WWOX: variants seen among roughly 807,000 people sequenced by gnomAD.
The protein encoded by WWOX is WW domain containing oxidoreductase, also known as WW domain-containing oxidoreductase.
Under a neutral mutation model 46.2 loss-of-function variants are expected in WWOX, and 69 were observed. The observed-to-expected ratio is 1.49, with a 90% CI of 1.23 to 1.82. WWOX has a LOEUF of 1.82. Among genes scored for constraint, WWOX ranks in the 40% most tolerant of loss-of-function variants. WWOX has a pLI of 0.00. For missense variants in WWOX, 919 were observed against 542.6 expected (o/e 1.69, Z -6.89); for synonymous variants, 359 against 202.6 (o/e 1.77, Z -6.56).
chr16:79,103,914 C>G (rs1332270588), intron 8 of WWOX, among the ~76,000 whole-genome samples: 3 of 151,708 alleles, frequency 2.0e-5, no homozygotes, highest in African/African-American at 7.3e-5. Flanking sequence ...GCAAAGAGCT[C>G]CTTAATTGAA....
intron 8 of WWOX, among the ~76,000 whole-genome samples, chr16:78,687,561 C>G (rs551147778): frequency 1.3e-5 from 2 of 151,570 alleles, no homozygotes; most frequent in South Asian, 2.1e-4. Context: ...CAGACATATA[C>G]TTTATGAGGT....
chr16:78,663,254 G>T (rs1257107282), intron 8 of WWOX, among the ~76,000 whole-genome samples: 1 of 152,066 alleles, frequency 6.6e-6, no homozygotes, highest in African/African-American at 2.4e-5. Context: ...CATACAATAC[G>T]TGGCCAACTG....
At position 79,191,340 on chromosome 16, in the gene WWOX, G is replaced by C. The variant is rs1399856398; in HGVS notation, c.1057-20268G>C. ...CAAAGTGCTGGGATCACAGGCGTGA[G>C]CCAGCGCGCCCAGCCCATGACTTCT... On this transcript the variant is annotated intron_variant, in intron 8 of 8. Coordinates refer to ENST00000566780, the MANE Select transcript of WWOX (RefSeq NM_016373.4). Among the ~76,000 whole-genome samples the C allele has an allele frequency of 2.6e-5, 4 of 152,086 alleles. No individual in the cohort carries two copies. The South Asian group carries it at 6.2e-4, about 24-fold the overall frequency.
At chr16:78,495,010 C>T (rs533316253) in intron 8 of WWOX, among the ~76,000 whole-genome samples, 2 of 152,126 alleles carry the variant, frequency 1.3e-5, no homozygotes, top group Admixed American at 1.3e-4. Flanking sequence ...GGGGGTCAAG[C>T]CCCTCGGACA....
At chr16:79,156,451 G>T (rs764585187) in intron 8 of WWOX, among the ~76,000 whole-genome samples, 1 of 152,118 alleles carries the variant, frequency 6.6e-6, no homozygotes, top group African/African-American at 2.4e-5. Context: ...GTGAGCCACC[G>T]CTCCCAGCAA....
At position 79,019,464 on chromosome 16, in the gene WWOX, A is replaced by C. The variant is rs2047487562; in HGVS notation, c.1057-192144A>C. ...ATATCTCAACATATCTAAACATAGAAATAGTACAGTAAAAATATGATATTA... is the reference window on the plus strand; with the variant it reads ...ATATCTCAACATATCTAAACATAGACATAGTACAGTAAAAATATGATATTA... On this transcript the variant is annotated intron_variant, in intron 8 of 8. Transcript: ENST00000566780. Among the ~76,000 whole-genome samples the C allele has an allele frequency of 2.0e-5, 3 of 152,246 alleles. No individual in the cohort carries two copies. In the South Asian group the frequency reaches 6.2e-4, roughly 32 times the overall value.
At chr16:78,107,429 A>G (rs1401138056) in intron 1 of WWOX, among the ~76,000 whole-genome samples, 1 of 152,208 alleles carries the variant, frequency 6.6e-6, no homozygotes, top group Non-Finnish European at 1.5e-5. Context: ...AGCTTTTTGT[A>G]TGCCAAGTGC....
chr16:78,192,869 A>G (rs781664091), intron 5 of WWOX, among the ~76,000 whole-genome samples: 14 of 152,274 alleles, frequency 9.2e-5, no homozygotes, highest in Middle Eastern at 3.4e-3. Flanking sequence ...GTGGTTAGAA[A>G]TTTTCTCAGT....
At chr16:78,755,290 G>C (rs2049614614) in intron 8 of WWOX, among the ~76,000 whole-genome samples, 1 of 152,084 alleles carries the variant, frequency 6.6e-6, no homozygotes, top group Middle Eastern at 3.4e-3. Context: ...TTCCTTGAAG[G>C]ATTTAATTCC....
intron 5 of WWOX, among the ~76,000 whole-genome samples, chr16:78,370,707 A>G (rs575578073): frequency 2.7e-5 from 4 of 146,328 alleles, no homozygotes; most frequent in East Asian, 2.1e-4. Context: ...CTTGGGATCA[A>G]TTCTGGTCTT....
chr16:79,149,308 C>G (rs1375400462), intron 8 of WWOX, among the ~76,000 whole-genome samples: 1 of 152,002 alleles, frequency 6.6e-6, no homozygotes, highest in East Asian at 1.9e-4. Context: ...TATGATTTTC[C>G]TTTAGCTTTT....
intron 8 of WWOX, among the ~76,000 whole-genome samples, chr16:78,532,023 A>C (rs1179471447): frequency 6.6e-6 from 1 of 151,684 alleles, no homozygotes; most frequent in East Asian, 1.9e-4. Flanking sequence ...AGTTAGAGAC[A>C]GGATCTGTAG....
At chr16:78,440,532 G>C (rs2083421047) in intron 8 of WWOX, among the ~76,000 whole-genome samples, 1 of 152,044 alleles carries the variant, frequency 6.6e-6, no homozygotes, top group African/African-American at 2.4e-5. Context: ...CTTATGTGTT[G>C]AATGAGTAAA....
At chr16:79,173,697 G>A (rs896052092) in intron 8 of WWOX, among the ~76,000 whole-genome samples, 1 of 150,418 alleles carries the variant, frequency 6.6e-6, no homozygotes, top group African/African-American at 2.4e-5. Context: ...TTCAACAGCA[G>A]GTGAATGATT....
rs2082648244 is a variant in WWOX at position 78,410,274 on chromosome 16, G to C, written c.606-14596G>C. On this transcript the variant is annotated intron_variant, in intron 6 of 8. Coordinates refer to ENST00000566780, the MANE Select transcript of WWOX (RefSeq NM_016373.4). ...ATCTCTTTTCATTATAAATTATCCAGCCTCAGTTACTTCTTTATTGCAGTG... is the reference window on the plus strand; with the variant it reads ...ATCTCTTTTCATTATAAATTATCCACCCTCAGTTACTTCTTTATTGCAGTG... Among the ~76,000 whole-genome samples the C allele has an allele frequency of 2.0e-5, 3 of 152,118 alleles. 1 individual carries two copies. In the South Asian group the frequency reaches 6.2e-4, roughly 32 times the overall value.
intron 8 of WWOX, among the ~76,000 whole-genome samples, chr16:78,884,292 A>C (rs1311423827): frequency 6.7e-5 from 9 of 135,280 alleles, no homozygotes; most frequent in Non-Finnish European, 1.1e-4. Context: ...AAAAAAAAAA[A>C]ACAAAAGACC....
chr16:79,094,290 G>C (rs1485751582), intron 8 of WWOX, among the ~76,000 whole-genome samples: 1 of 140,680 alleles, frequency 7.1e-6, no homozygotes, highest in African/African-American at 2.7e-5. Flanking sequence ...GTCTCGCTCT[G>C]TCTCCCAGGC....
At chr16:79,207,934 T>G (rs747260475) in intron 8 of WWOX, among the ~76,000 whole-genome samples, 2 of 152,214 alleles carry the variant, frequency 1.3e-5, no homozygotes, top group Non-Finnish European at 2.9e-5. Context: ...AGCAGCTACT[T>G]AACATTTTCA....
At chr16:78,654,637 TTCTC>T (rs142991695) in intron 8 of WWOX, among the ~76,000 whole-genome samples, 44 of 148,968 alleles carry the variant, frequency 3.0e-4, no homozygotes, top group African/African-American at 9.5e-4. Context: ...ATCTATACCT[TTCTC>T]TCTCTCTCTC....
Sources: allele counts gnomAD v4.1 joint callset (sites outside exome capture counted in the v4.1 genomes callset), GRCh38; gene constraint gnomAD v4.1.1; transcripts MANE v1.5; gene names NCBI Gene and HGNC (gene_info 2026-07-23, HGNC 2026-07-21).